TMEM276: variants seen among roughly 807,000 people sequenced by gnomAD.
The protein encoded by TMEM276 is transmembrane protein 276.
At chr8:144,464,409 C>T in the TMEM276 span, 2 of 1,612,162 alleles carry the variant, frequency 1.2e-6, no homozygotes, top group East Asian at 4.5e-5. Flanking sequence ...CCACTGCCAG[C>T]ACCATGCCTC....
At chr8:144,466,500 G>C in the TMEM276 span, 3 of 1,307,590 alleles carry the variant, frequency 2.3e-6, no homozygotes, top group East Asian at 3.5e-5. Flanking sequence ...CGGCCGCGGA[G>C]CCCGGGGACC....
At chr8:144,466,512 C>G in the TMEM276 span, 1 of 1,286,328 alleles carries the variant, frequency 7.8e-7, no homozygotes, top group Middle Eastern at 2.1e-4. Flanking sequence ...CCGGGGACCC[C>G]GCCCAGGTGA....
chr8:144,465,300 G>A, the TMEM276 span: 1 of 1,119,296 alleles, frequency 8.9e-7, no homozygotes. Flanking sequence ...GGGAACCCGG[G>A]TCCAGGAGGA....
At chr8:144,467,002 C>G in the TMEM276 span, 1 of 1,595,398 alleles carries the variant, frequency 6.3e-7, no homozygotes. Flanking sequence ...CAGCCGAGGG[C>G]CGCGCGGCCG....
the TMEM276 span, chr8:144,464,935 G>A: frequency 4.4e-6 from 7 of 1,604,448 alleles, no homozygotes; most frequent in South Asian, 1.1e-5. Flanking sequence ...CGAGGACACA[G>A]ATAGGAGATA....
At chr8:144,466,294 T>C in the TMEM276 span, 8 of 232,258 alleles carry the variant, frequency 3.4e-5, no homozygotes, top group East Asian at 8.4e-4. Flanking sequence ...CTTCCAGCCG[T>C]GGGAGCCGGG....
chr8:144,465,341 G>T, the TMEM276 span: 141 of 1,091,226 alleles, frequency 1.3e-4, no homozygotes, highest in Non-Finnish European at 1.5e-4. Flanking sequence ...GAGGCCAGCC[G>T]TGCGCAGTTA....
At chr8:144,463,919 G>T in the TMEM276 span, 1 of 1,428,516 alleles carries the variant, frequency 7.0e-7, no homozygotes, top group East Asian at 2.5e-5. Context: ...AAACGTGTCT[G>T]GGACCCTGTC....
the TMEM276 span, chr8:144,465,285 G>C: frequency 8.9e-7 from 1 of 1,119,310 alleles, no homozygotes; most frequent in Non-Finnish European, 1.1e-6. Flanking sequence ...GGGAGGCGTT[G>C]TCCTGGGAAC....
chr8:144,466,784 C>G, the TMEM276 span: 8 of 1,533,666 alleles, frequency 5.2e-6, no homozygotes, highest in South Asian at 7.1e-5. Context: ...CCGGGGTCGC[C>G]GGCGCCCAGA....
chr8:144,465,073 G>A, the TMEM276 span: 3 of 1,528,254 alleles, frequency 2.0e-6, no homozygotes, highest in Non-Finnish European at 2.6e-6. Context: ...AGACTTTCCG[G>A]ATCCCTGAGG....
At chr8:144,466,549 C>G in the TMEM276 span, 3 of 1,105,602 alleles carry the variant, frequency 2.7e-6, no homozygotes, top group Non-Finnish European at 2.3e-6. Context: ...AGCCCGTCGT[C>G]TCCCGCCGCC....
the TMEM276 span, chr8:144,465,176 T>TG: frequency 1.4e-4 from 186 of 1,348,088 alleles, no homozygotes; most frequent in Middle Eastern, 6.2e-4. Flanking sequence ...ACGTCAGCCC[T>TG]GGGGCCCTGG....
the TMEM276 span, chr8:144,465,232 G>A: frequency 8.6e-7 from 1 of 1,168,506 alleles, no homozygotes; most frequent in African/African-American, 1.6e-5. Flanking sequence ...GCGGCGAGGC[G>A]CTGCAGGCCC....
At chr8:144,464,090 C>G in the TMEM276 span, 1 of 1,577,936 alleles carries the variant, frequency 6.3e-7, no homozygotes, top group Non-Finnish European at 8.6e-7. Flanking sequence ...GGAAAGTGTT[C>G]GGCAGGGCAG....
At chr8:144,466,491 G>A in the TMEM276 span, 1 of 1,321,494 alleles carries the variant, frequency 7.6e-7, no homozygotes, top group Non-Finnish European at 9.7e-7. Flanking sequence ...GCGCCGCGGC[G>A]GCCGCGGAGC....
At chr8:144,464,137 T>C in the TMEM276 span, 1 of 1,609,266 alleles carries the variant, frequency 6.2e-7, no homozygotes. Flanking sequence ...TCACTCCCAC[T>C]GGAGGCGCTG....
chr8:144,464,140 A>T, the TMEM276 span: 1 of 1,609,846 alleles, frequency 6.2e-7, no homozygotes, highest in Non-Finnish European at 8.5e-7. Flanking sequence ...CTCCCACTGG[A>T]GGCGCTGTGT....
chr8:144,463,977 C>T, the TMEM276 span: 1 of 1,508,042 alleles, frequency 6.6e-7, no homozygotes, highest in South Asian at 1.3e-5. Flanking sequence ...CAAAGGACAG[C>T]ACCCAGACTC....
Sources: allele counts gnomAD v4.1 joint callset, GRCh38; gene constraint gnomAD v4.1.1; transcripts MANE v1.5; gene names NCBI Gene and HGNC (gene_info 2026-07-23, HGNC 2026-07-21).